Variants in FLRT2 observed in about 807,000 individuals in gnomAD.
FLRT2 encodes fibronectin leucine rich transmembrane protein 2, also known as leucine-rich repeat transmembrane protein FLRT2.
FLRT2 carries 15 observed loss-of-function variants against 40.0 expected under a neutral mutation model. The observed-to-expected ratio is 0.38, with a 90% CI of 0.25 to 0.58. The LOEUF is 0.58. Ranked by LOEUF, FLRT2 falls within the 20% of genes least tolerant of loss-of-function variation. The pLI, the probability that FLRT2 is intolerant of heterozygous loss-of-function variation, is 0.71. For synonymous variants in FLRT2, 380 were observed against 336.8 expected (o/e 1.13, Z -1.41); for missense variants, 726 against 840.0 (o/e 0.86, Z 1.68).
chr14:85,533,872 AGC>A (rs1190924843), intron 1 of FLRT2, among the ~76,000 whole-genome samples: 1 of 151,794 alleles, frequency 6.6e-6, no homozygotes, highest in African/African-American at 2.4e-5. Flanking sequence ...TGGCTCCAGC[AGC>A]CGCCGCCGTC....
intron 1 of FLRT2, among the ~76,000 whole-genome samples, chr14:85,532,171 T>C (rs1888325932): frequency 6.6e-6 from 1 of 152,148 alleles, no homozygotes; most frequent in African/African-American, 2.4e-5. Context: ...ACTTAAACTC[T>C]TCTGCGGGGA....
intron 1 of FLRT2, among the ~76,000 whole-genome samples, chr14:85,539,769 C>A (rs1888875360): frequency 6.6e-6 from 1 of 152,160 alleles, no homozygotes. Context: ...TTTATCACTG[C>A]ATGCCTGTCT....
intron 1 of FLRT2, among the ~76,000 whole-genome samples, chr14:85,553,473 G>GA (rs1264284546): frequency 5.9e-5 from 9 of 152,080 alleles, no homozygotes; most frequent in South Asian, 2.1e-4. Context: ...TGATGAGCTA[G>GA]AAAAAAAATC....
In FLRT2 at chr14:85,650,759, A is replaced by T. The variant is rs1333811577; in HGVS notation, c.*27262A>T. 1 of 151,096 alleles carries T rather than the reference A, an allele frequency of 6.6e-6. No individual in the cohort carries two copies. Among genetic ancestry groups the T allele is most frequent in the African/African-American group, 2.4e-5 (1 of 41,140 alleles). 9.4% of individuals were successfully genotyped at this position (151,096 alleles called of 1,614,324 possible). A position where few individuals can be genotyped will look rare whatever the true frequency, so the allele number is the denominator to read the frequency against. ...TTATTATCTGTTCATGATTTTCTTC[A>T]TTTTTTCTCTTACTGGTTCATATTC... On this transcript the variant is annotated 3_prime_UTR_variant, in exon 2 of 2. Transcript: ENST00000330753.
chr14:85,566,792 A>C (rs1441703534), intron 1 of FLRT2, among the ~76,000 whole-genome samples: 1 of 150,796 alleles, frequency 6.6e-6, no homozygotes, highest in African/African-American at 2.4e-5. Context: ...AAAAAAGAAC[A>C]TATCCCTTCT....
intron 1 of FLRT2, among the ~76,000 whole-genome samples, chr14:85,569,893 G>A (rs1334989440): frequency 6.6e-6 from 1 of 152,148 alleles, no homozygotes; most frequent in Non-Finnish European, 1.5e-5. Context: ...TGAATTGTAG[G>A]ATCACGTTAA....
chr14:85,606,778 C>T (rs1892637337), intron 1 of FLRT2, among the ~76,000 whole-genome samples: 1 of 151,192 alleles, frequency 6.6e-6, no homozygotes, highest in African/African-American at 2.4e-5. Flanking sequence ...TTGCCTCAGC[C>T]TCCCAAAGTG....
chr14:85,582,069 A>G (rs1254140739), intron 1 of FLRT2, among the ~76,000 whole-genome samples: 1 of 152,228 alleles, frequency 6.6e-6, no homozygotes, highest in African/African-American at 2.4e-5. Context: ...AGGTGCTTAC[A>G]TAATGTTAAC....
At chr14:85,604,929 C>T (rs531739106) in intron 1 of FLRT2, among the ~76,000 whole-genome samples, 82 of 152,066 alleles carry the variant, frequency 5.4e-4, no homozygotes, top group African/African-American at 1.8e-3. Context: ...CTGTTAGTGC[C>T]GACATGATTC....
intron 1 of FLRT2, among the ~76,000 whole-genome samples, chr14:85,539,332 A>G (rs1370664131): frequency 2.0e-5 from 3 of 151,924 alleles, no homozygotes; most frequent in African/African-American, 7.3e-5. Context: ...TCCATTCTTT[A>G]TGAAACCACC....
Position 85,642,709 on chromosome 14 carries a change from T to C in FLRT2, c.*19212T>C, listed in dbSNP as rs1566774184. The C allele has an allele frequency of 6.6e-6, 1 of 152,152 alleles. No homozygotes were observed. The highest frequency in any genetic ancestry group is 1.5e-5 in the Non-Finnish European group (1 of 68,028). 9.4% of individuals were successfully genotyped at this position (152,152 alleles called of 1,614,324 possible). A position where few individuals can be genotyped will look rare whatever the true frequency, so the allele number is the denominator to read the frequency against. The stretch of plus-strand genomic sequence containing the variant: ...ATGGGTACATATACTAGAGCCTGCA[T>C]GCAATGAGCTTACCCAACCAGCTCA... On this transcript the variant is annotated 3_prime_UTR_variant, in exon 2 of 2. Transcript: ENST00000330753.
chr14:85,613,881 T>A (rs76894853), intron 1 of FLRT2, among the ~76,000 whole-genome samples: 5,679 of 152,252 alleles, frequency 0.037, 362 homozygotes, highest in African/African-American at 0.13. Context: ...AAGATGTATA[T>A]GTATATTACC....
chr14:85,545,589 C>T (rs1003252046), intron 1 of FLRT2, among the ~76,000 whole-genome samples: 8 of 152,158 alleles, frequency 5.3e-5, no homozygotes, highest in African/African-American at 1.9e-4. Flanking sequence ...TAGACAACTG[C>T]CTAAGAAATC....
chr14:85,582,337 T>A (rs957144765), intron 1 of FLRT2, among the ~76,000 whole-genome samples: 1 of 152,218 alleles, frequency 6.6e-6, no homozygotes, highest in Non-Finnish European at 1.5e-5. Flanking sequence ...AAAGCTTGAA[T>A]GGAGACCCTA....
chr14:85,604,338 G>A (rs975388776), intron 1 of FLRT2, among the ~76,000 whole-genome samples: 23 of 152,010 alleles, frequency 1.5e-4, no homozygotes, highest in Admixed American at 1.5e-3. Flanking sequence ...TATTTCCTCT[G>A]TTTTCAACAT....
At chr14:85,598,775 T>G (rs145663193) in intron 1 of FLRT2, among the ~76,000 whole-genome samples, 8 of 152,194 alleles carry the variant, frequency 5.3e-5, no homozygotes, top group African/African-American at 1.9e-4. Flanking sequence ...AAGACAAAGA[T>G]GTAGGTCTTC....
At position 85,651,172 on chromosome 14, in the gene FLRT2, C is replaced by T. The variant is rs1222384313; in HGVS notation, c.*27675C>T. 1 of 151,582 alleles carries T rather than the reference C, an allele frequency of 6.6e-6. No individual in the cohort carries two copies. The highest frequency in any genetic ancestry group is 2.4e-5 in the African/African-American group (1 of 41,226). 9.4% of individuals were successfully genotyped at this position (151,582 alleles called of 1,614,324 possible). A position where few individuals can be genotyped will look rare whatever the true frequency, so the allele number is the denominator to read the frequency against. ...AATTGTTTAGGATAATGTCTCAAAA[C>T]TTTTTTGGTATATAGATATCTTTAA... On this transcript the variant is annotated 3_prime_UTR_variant, in exon 2 of 2. Transcript: ENST00000330753.
chr14:85,569,078 AAGACTTCAC>A (rs1244454385), intron 1 of FLRT2, among the ~76,000 whole-genome samples: 14 of 152,190 alleles, frequency 9.2e-5, no homozygotes, highest in African/African-American at 3.1e-4. Flanking sequence ...CACTGAAACA[AAGACTTCAC>A]AGGTGGTGGA....
chr14:85,559,124 C>A (rs142674036), intron 1 of FLRT2, among the ~76,000 whole-genome samples: 1 of 152,282 alleles, frequency 6.6e-6, no homozygotes, highest in East Asian at 1.9e-4. Flanking sequence ...TGCTATTCAG[C>A]CCCATCAACA....
Sources: gnomAD v4.1 joint callset for allele counts (sites outside exome capture counted in the v4.1 genomes callset) on GRCh38, gnomAD v4.1.1 for gene constraint, MANE v1.5 for transcripts, NCBI Gene and HGNC (gene_info 2026-07-23, HGNC 2026-07-21) for gene names.